CNTLN: variants seen among roughly 807,000 people sequenced by gnomAD.
CNTLN encodes centlein, centrosomal protein.
CNTLN carries 212 observed loss-of-function variants against 180.0 expected under a neutral mutation model. The ratio of observed to expected loss-of-function variants is 1.18; its 90% CI spans 1.05 to 1.32. CNTLN has a LOEUF of 1.32. Among genes scored for constraint, CNTLN ranks in the 40% most tolerant of loss-of-function variants. CNTLN has a pLI of 0.00. For synonymous variants in CNTLN, 722 were observed against 563.1 expected (o/e 1.28, Z -3.99); for missense variants, 2,095 against 1,610.9 (o/e 1.30, Z -5.14).
At chr9:17,292,111 A>G (rs1290982786) in intron 6 of CNTLN, among the ~76,000 whole-genome samples, 1 of 152,196 alleles carries the variant, frequency 6.6e-6, no homozygotes, top group Non-Finnish European at 1.5e-5. Context: ...TTCTTTAAGA[A>G]TATTGAATAA....
intron 7 of CNTLN, chr9:17,301,238 C>G: frequency 9.1e-6 from 9 of 985,416 alleles, no homozygotes; most frequent in Non-Finnish European, 1.1e-5. Context: ...AGCTTATATG[C>G]CCCTATTTGG....
the CNTLN span, among the ~76,000 whole-genome samples, chr9:17,522,402 G>A: frequency 2.6e-5 from 4 of 152,210 alleles, no homozygotes; most frequent in Non-Finnish European, 5.9e-5. Flanking sequence ...ATACCTGGCC[G>A]ACCTGGAAAT....
At chr9:17,461,087 C>G (rs1251686028) in intron 19 of CNTLN, among the ~76,000 whole-genome samples, 3 of 151,412 alleles carry the variant, frequency 2.0e-5, no homozygotes, top group African/African-American at 7.3e-5. Flanking sequence ...GTTTATATCA[C>G]AGTAGTCCCT....
rs1456379699 is a variant in CNTLN, at chr9:17,359,717, T to TAAAAAAAAAAAAAAAAAAAA, written c.1887-6895_1887-6894insAAAAAAAAAAAAAAAAAAAA. ...TAACACGGTGAAACTCCGTCTATAC[T>TAAAAAAAAAAAAAAAAAAAA]AAAAATACAAAAAAAAAAAAAAAAA... On this transcript the variant is annotated intron_variant, in intron 12 of 25. Coordinates refer to ENST00000380647, the MANE Select transcript of CNTLN (RefSeq NM_017738.4). 8.9e-4 allele frequency among the ~76,000 whole-genome samples: 12 copies of TAAAAAAAAAAAAAAAAAAAA among 13,478 alleles called. 2 individuals carry two copies. Among genetic ancestry groups the TAAAAAAAAAAAAAAAAAAAA allele is most frequent in the East Asian group, 6.1e-3 (2 of 328 alleles). The allele number at this position is 13,478 out of a possible 152,430, so 8.8% of individuals were successfully genotyped here.
chr9:17,348,535 T>TC (rs1265871208), intron 12 of CNTLN, among the ~76,000 whole-genome samples: 46 of 145,886 alleles, frequency 3.2e-4, no homozygotes, highest in Non-Finnish European at 5.3e-4. Flanking sequence ...TTTCTTTCTT[T>TC]TTTTTTTTTT....
intron 13 of CNTLN, among the ~76,000 whole-genome samples, chr9:17,381,061 A>T (rs1043438069): frequency 9.9e-5 from 15 of 152,212 alleles, no homozygotes; most frequent in African/African-American, 3.1e-4. Context: ...TCGTACTGTC[A>T]GTGTTAGTTT....
At chr9:17,269,013 C>T (rs10962985) in intron 5 of CNTLN, among the ~76,000 whole-genome samples, 29,748 of 151,888 alleles carry the variant, frequency 0.2, 3,539 homozygotes, top group African/African-American at 0.33. Flanking sequence ...TCGCCCTGCT[C>T]TGGCTAGCGC....
chr9:17,378,512 T>C (rs1458705869), intron 13 of CNTLN, among the ~76,000 whole-genome samples: 2 of 152,184 alleles, frequency 1.3e-5, no homozygotes, highest in African/African-American at 4.8e-5. Flanking sequence ...CTATTTAATC[T>C]GTAATAATGT....
intron 6 of CNTLN, among the ~76,000 whole-genome samples, chr9:17,292,570 C>G (rs915389950): frequency 6.6e-6 from 1 of 152,044 alleles, no homozygotes; most frequent in Non-Finnish European, 1.5e-5. Flanking sequence ...CTCTGAAATT[C>G]TTTCCTCTGC....
At chr9:17,299,286 T>G in intron 7 of CNTLN, 2 of 172,802 alleles carry the variant, frequency 1.2e-5, no homozygotes, top group Non-Finnish European at 2.2e-5. Context: ...GAATTCTTCA[T>G]ATGTTTTGTG....
At chr9:17,500,369 A>AGATTT (rs1833678814) in intron 25 of CNTLN, among the ~76,000 whole-genome samples, 1 of 152,228 alleles carries the variant, frequency 6.6e-6, no homozygotes, top group Admixed American at 6.5e-5. Context: ...TTCAGATTAC[A>AGATTT]AGATAATAAG....
chr9:17,432,433 A>G (rs1329008989), intron 18 of CNTLN, among the ~76,000 whole-genome samples: 1 of 152,202 alleles, frequency 6.6e-6, no homozygotes, highest in Non-Finnish European at 1.5e-5. Flanking sequence ...TGGATGAGGG[A>G]AATGACTAGA....
intron 20 of CNTLN, among the ~76,000 whole-genome samples, chr9:17,463,219 G>C (rs1192248499): frequency 6.6e-6 from 1 of 151,492 alleles, no homozygotes; most frequent in East Asian, 1.9e-4. Flanking sequence ...TAATGATGAA[G>C]TTAAATTTCC....
At chr9:17,442,037 G>T (rs1218528636) in intron 18 of CNTLN, among the ~76,000 whole-genome samples, 1 of 152,118 alleles carries the variant, frequency 6.6e-6, no homozygotes, top group Non-Finnish European at 1.5e-5. Context: ...GTATAGGAAG[G>T]AAACTTTGAC....
intron 2 of CNTLN, among the ~76,000 whole-genome samples, chr9:17,150,384 CCAA>C (rs1283914839): frequency 6.6e-6 from 1 of 152,170 alleles, no homozygotes; most frequent in Non-Finnish European, 1.5e-5. Flanking sequence ...GCCAGTTTTC[CCAA>C]CACCATTTAT....
chr9:17,366,850 A>G (rs1823864982), intron 13 of CNTLN, 133 bp downstream of exon 13: 1 of 543,652 alleles, frequency 1.8e-6, no homozygotes, highest in Non-Finnish European at 3.3e-6. Flanking sequence ...TTGATAACTC[A>G]CTAACATTTT....
At chr9:17,408,800 TA>T (rs71331488) in intron 15 of CNTLN, among the ~76,000 whole-genome samples, 14 of 143,594 alleles carry the variant, frequency 9.7e-5, no homozygotes, top group Admixed American at 2.1e-4. Flanking sequence ...GACTCTGTCT[TA>T]AAAAAAAAAA....
chr9:17,359,690 G>C (rs1288002863), intron 12 of CNTLN, among the ~76,000 whole-genome samples: 1 of 127,420 alleles, frequency 7.8e-6, no homozygotes, highest in Non-Finnish European at 1.6e-5. Flanking sequence ...AACCATCCTG[G>C]CTAACACGGT....
intron 5 of CNTLN, among the ~76,000 whole-genome samples, chr9:17,238,327 C>T (rs1825279796): frequency 6.6e-6 from 1 of 152,118 alleles, no homozygotes; most frequent in Admixed American, 6.5e-5. Flanking sequence ...AGTCTTTAAT[C>T]TATTCATAAT....
Sources: gnomAD v4.1 joint callset for allele counts (sites outside exome capture counted in the v4.1 genomes callset) on GRCh38, gnomAD v4.1.1 for gene constraint, MANE v1.5 for transcripts, NCBI Gene and HGNC (gene_info 2026-07-23, HGNC 2026-07-21) for gene names.